The following MYO6 variants were observed in gnomAD, a reference collection of about 807,000 sequenced individuals.
The protein encoded by MYO6 is unconventional myosin-VI.
Under a neutral mutation model 178.7 loss-of-function variants are expected in MYO6, and 74 were observed. The observed-to-expected ratio is 0.41, with a 90% CI of 0.34 to 0.50. The LOEUF (loss-of-function observed/expected upper bound fraction) is 0.50, where lower values mean the gene tolerates loss of function less well. Among genes scored for constraint, MYO6 ranks in the 20% least tolerant of loss-of-function variants. The pLI, the probability that MYO6 is intolerant of heterozygous loss-of-function variation, is 0.09. For synonymous variants in MYO6, 477 were observed against 504.6 expected, an observed-to-expected ratio of 0.95 and a Z score of 0.73; for missense variants, 1,330 against 1,547.4, an observed-to-expected ratio of 0.86 and a Z score of 2.36.
intron 7 of MYO6, among the ~76,000 whole-genome samples, chr6:75,839,770 CTCTT>C (rs1344213656): frequency 6.6e-6 from 1 of 151,964 alleles, no homozygotes; most frequent in Non-Finnish European, 1.5e-5. Context: ...ATTCTGTAAA[CTCTT>C]AATTTGTTAA....
rs112674574 is a variant in MYO6, at chr6:75,885,618, T to G, written c.2417-386T>G. 4.0e-3 allele frequency among the ~76,000 whole-genome samples: 612 copies of G among 152,260 alleles called. 6 individuals are homozygous for G. The highest frequency in any genetic ancestry group is 0.014 in the African/African-American group (586 of 41,558). ...CCCGCCACCATGCCTGGCTAATTTT[T>G]TGTATTTTTAGTAGAGACGGGGTTT... On this transcript the variant is annotated intron_variant, in intron 23 of 34. Transcript: ENST00000369977.
At chr6:75,898,204 G>A (rs576694318) in intron 29 of MYO6, among the ~76,000 whole-genome samples, 169 bp from the exon 30 acceptor site, 45 of 152,182 alleles carry the variant, frequency 3.0e-4, no homozygotes, top group East Asian at 5.8e-4. Flanking sequence ...TGTGTGTTAC[G>A]GCTAGATTTG....
rs72654758 is a variant in MYO6, at chr6:75,768,471, C to A, written c.-48+19048C>A. 0.012 allele frequency among the ~76,000 whole-genome samples: 1,760 copies of A among 150,542 alleles called. 62 individuals carry two copies. The East Asian group carries it at 0.13, about 11-fold the overall frequency. ...TCTCGGCTCACTGCAACCTCCGCTT[C>A]CTGGGCTCATGTGATTCTCCTGCCT... On this transcript the variant is annotated intron_variant, in intron 1 of 34. Transcript: ENST00000369977.
At chr6:75,903,198 T>G (rs1365252892) in intron 30 of MYO6, among the ~76,000 whole-genome samples, 1 of 151,700 alleles carries the variant, frequency 6.6e-6, no homozygotes, top group African/African-American at 2.4e-5. Context: ...AAAATGTATA[T>G]TCTGTTGATT....
intron 30 of MYO6, among the ~76,000 whole-genome samples, chr6:75,906,949 A>G (rs1438413802): frequency 6.6e-6 from 1 of 152,154 alleles, no homozygotes; most frequent in African/African-American, 2.4e-5. Context: ...TTGTGTGCTT[A>G]TAGAACTTTT....
chr6:75,869,674 T>G (rs1776978731), intron 18 of MYO6, among the ~76,000 whole-genome samples: 1 of 152,102 alleles, frequency 6.6e-6, no homozygotes, highest in Admixed American at 6.5e-5. Flanking sequence ...GTAAGGCAAA[T>G]AAATGATTTT....
chr6:75,841,516 C>G, intron 9 of MYO6, 138 bp downstream of exon 9: 2 of 754,754 alleles, frequency 2.6e-6, no homozygotes, highest in Non-Finnish European at 4.2e-6. Flanking sequence ...TAGCGAGACC[C>G]TGTCTCTAAA....
At chr6:75,763,066 G>T (rs1274221423) in intron 1 of MYO6, among the ~76,000 whole-genome samples, 1 of 142,938 alleles carries the variant, frequency 7.0e-6, no homozygotes, top group Non-Finnish European at 1.5e-5. Context: ...TCACTCTGTT[G>T]CCCAGGCTGG....
At chr6:75,836,097 A>C (rs1171441232) in intron 7 of MYO6, 141 bp downstream of exon 7, 1 of 712,018 alleles carries the variant, frequency 1.4e-6, no homozygotes, top group Non-Finnish European at 2.6e-6. Flanking sequence ...TCATCTTGTT[A>C]TTTACCTAAT....
intron 25 of MYO6, among the ~76,000 whole-genome samples, chr6:75,888,598 C>A (rs1310082691): frequency 6.6e-6 from 1 of 150,920 alleles, no homozygotes; most frequent in Non-Finnish European, 1.5e-5. Context: ...GACAGTGAGA[C>A]CCCTGGCTAA....
chr6:75,801,708 A>G (rs942964991), intron 1 of MYO6, among the ~76,000 whole-genome samples: 1 of 152,192 alleles, frequency 6.6e-6, no homozygotes, highest in Non-Finnish European at 1.5e-5. Flanking sequence ...TGGGAGGCCA[A>G]GGCGGGTGGA....
intron 20 of MYO6, among the ~76,000 whole-genome samples, chr6:75,873,996 C>T (rs975534219): frequency 3.9e-5 from 6 of 152,198 alleles, no homozygotes; most frequent in African/African-American, 2.4e-5. Context: ...TCAGCCTTCT[C>T]CTTTCTTGTT....
At chr6:75,829,975 G>T (rs1413661644) in intron 4 of MYO6, among the ~76,000 whole-genome samples, 1 of 152,164 alleles carries the variant, frequency 6.6e-6, no homozygotes, top group East Asian at 1.9e-4. Flanking sequence ...AATACAGTAG[G>T]TAAGGAATAC....
At chr6:75,788,098 T>A (rs757918385) in intron 1 of MYO6, among the ~76,000 whole-genome samples, 1 of 151,922 alleles carries the variant, frequency 6.6e-6, no homozygotes, top group Non-Finnish European at 1.5e-5. Flanking sequence ...GAAGTTGAAT[T>A]TTACTATATG....
At chr6:75,777,535 C>T (rs537657943) in intron 1 of MYO6, among the ~76,000 whole-genome samples, 181 of 152,000 alleles carry the variant, frequency 1.2e-3, no homozygotes, top group Non-Finnish European at 2.2e-3. Flanking sequence ...TCAGATGATC[C>T]TGGCACCTCA....
At chr6:75,830,185 C>T (rs753538879) in intron 4 of MYO6, among the ~76,000 whole-genome samples, 3 of 151,710 alleles carry the variant, frequency 2.0e-5, no homozygotes, top group Non-Finnish European at 4.4e-5. Flanking sequence ...TTGGATATGC[C>T]GAACTAAAGG....
intron 30 of MYO6, among the ~76,000 whole-genome samples, chr6:75,899,697 T>G (rs1162394724): frequency 8.3e-6 from 1 of 120,828 alleles, no homozygotes; most frequent in Admixed American, 7.5e-5. Flanking sequence ...TGGCCACACA[T>G]TATTCTTTTT....
intron 11 of MYO6, among the ~76,000 whole-genome samples, chr6:75,851,667 C>T (rs1264876418): frequency 1.3e-5 from 2 of 151,654 alleles, no homozygotes; most frequent in African/African-American, 4.8e-5. Context: ...AAAACACACA[C>T]ACAAACGCAC....
At chr6:75,852,098 T>C (rs536572029) in intron 11 of MYO6, among the ~76,000 whole-genome samples, 6 of 150,380 alleles carry the variant, frequency 4.0e-5, no homozygotes, top group Middle Eastern at 3.4e-3. Flanking sequence ...TTAAGACTTA[T>C]TAAAAATCCT....
Sources: allele counts gnomAD v4.1 joint callset (sites outside exome capture counted in the v4.1 genomes callset), GRCh38; gene constraint gnomAD v4.1.1; transcripts MANE v1.5; gene names NCBI Gene and HGNC (gene_info 2026-07-23, HGNC 2026-07-21).